ABL2: variants seen among roughly 807,000 people sequenced by gnomAD.
ABL2 encodes tyrosine-protein kinase ABL2.
In ABL2, 49 loss-of-function variants were observed where a neutral mutation model predicts 107.7. The observed-to-expected ratio is 0.45, with a 90% confidence interval of 0.36 to 0.58. ABL2 has a LOEUF of 0.58. Among genes scored for constraint, ABL2 ranks in the 20% least tolerant of loss-of-function variants. The pLI is 0.00. For synonymous variants in ABL2, 549 were observed against 548.6 expected (o/e 1.00, Z -0.01); for missense variants, 1,245 against 1,457.0 (o/e 0.85, Z 2.37).
intron 1 of ABL2, among the ~76,000 whole-genome samples, chr1:179,167,588 T>C (rs12061169): frequency 0.015 from 2,295 of 152,268 alleles, 69 homozygotes; most frequent in African/African-American, 0.051. Context: ...TCCCAACACA[T>C]AGAAATGATA....
At chr1:179,187,994 A>C (rs963695388) in intron 1 of ABL2, among the ~76,000 whole-genome samples, 1 of 151,976 alleles carries the variant, frequency 6.6e-6, no homozygotes, top group Non-Finnish European at 1.5e-5. Context: ...CTCCCACACA[A>C]TTCTTTTACT....
chr1:179,226,597 G>A (rs770355908), intron 1 of ABL2, among the ~76,000 whole-genome samples: 2 of 152,002 alleles, frequency 1.3e-5, no homozygotes, highest in Admixed American at 6.6e-5. Flanking sequence ...GTGAGCCACC[G>A]CACCTGGCCG....
chr1:179,115,128 ACAC>A, intron 8 of ABL2, 98 bp from the exon 9 acceptor site: 3 of 1,126,602 alleles, frequency 2.7e-6, no homozygotes, highest in Non-Finnish European at 3.7e-6. Flanking sequence ...TAACATTCAC[ACAC>A]TGTTACAACA....
chr1:179,143,974 G>A (rs1657812548), intron 1 of ABL2, among the ~76,000 whole-genome samples: 1 of 152,122 alleles, frequency 6.6e-6, no homozygotes, highest in Non-Finnish European at 1.5e-5. Flanking sequence ...AGGATTACAG[G>A]CATGAGCCAC....
At chr1:179,202,038 C>G (rs72709483) in intron 1 of ABL2, 47,519 of 452,588 alleles carry the variant, frequency 0.1, 2,877 homozygotes, top group East Asian at 0.23. Flanking sequence ...ATTTTTTTTT[C>G]TTTGAATAAA....
At chr1:179,223,109 CAAAA>C (rs35137729) in intron 1 of ABL2, among the ~76,000 whole-genome samples, 12 of 69,250 alleles carry the variant, frequency 1.7e-4, no homozygotes, top group Non-Finnish European at 2.9e-4. Context: ...GGCTCCCTCT[CAAAA>C]AAAAAAAAAA....
At position 179,198,463 on chromosome 1, in the gene ABL2, T is replaced by C. The variant is rs529323038; in HGVS notation, c.157+30778A>G. 5.3e-5 allele frequency among the ~76,000 whole-genome samples: 8 copies of C among 151,944 alleles called. No individual in the cohort carries two copies. In the South Asian group the frequency reaches 1.7e-3, roughly 32 times the overall value. ...ATCCCAGCACTTTGGGAGGCCAAGG[T>C]AGGTGGATCACCTGAGGCCAAGAGT... On this transcript the variant is annotated intron_variant, in intron 1 of 11. Coordinates refer to ENST00000502732, the MANE Select transcript of ABL2 (RefSeq NM_007314.4).
At position 179,110,474 on chromosome 1, in the gene ABL2, G is replaced by A; in HGVS notation, c.1652-19C>T. 1 of 1,584,204 alleles carries A rather than the reference G, an allele frequency of 6.3e-7. No individual in the cohort carries two copies. The highest frequency in any genetic ancestry group is 1.2e-5 in the South Asian group (1 of 85,910). ...GCTACCTCTGTGAGGAAGACAAGGGGACCAATAAAAAGAACAATTTCATAG... is the reference window on the plus strand; with the variant it reads ...GCTACCTCTGTGAGGAAGACAAGGGAACCAATAAAAAGAACAATTTCATAG... On this transcript the variant is annotated intron_variant, in intron 10 of 11. Coordinates refer to ENST00000502732, the MANE Select transcript of ABL2 (RefSeq NM_007314.4).
chr1:179,192,172 C>T (rs1661065138), intron 1 of ABL2, among the ~76,000 whole-genome samples: 1 of 152,122 alleles, frequency 6.6e-6, no homozygotes, highest in Admixed American at 6.5e-5. Context: ...TTACGAAAAA[C>T]AATCCACAGG....
chr1:179,110,690 A>G, intron 10 of ABL2: 5 of 1,586,812 alleles, frequency 3.2e-6, no homozygotes, highest in Non-Finnish European at 4.3e-6. Flanking sequence ...TAGCATGCCA[A>G]CGTGTGAATA....
chr1:179,111,865 G>A lies in ABL2; in HGVS notation c.1651+444C>T, dbSNP rs554646032. ...TCGAGAGCAGTCTGGCCAACATGGCGAAACCCCATCTCTACTAAAAATAAC... is the reference window on the plus strand; with the variant it reads ...TCGAGAGCAGTCTGGCCAACATGGCAAAACCCCATCTCTACTAAAAATAAC... On this transcript the variant is annotated intron_variant, in intron 10 of 11. Transcript: ENST00000502732. Among the ~76,000 whole-genome samples the A allele has an allele frequency of 1.1e-4, 17 of 152,086 alleles. No homozygotes were observed. The East Asian group carries it at 1.4e-3, about 12-fold the overall frequency.
rs1557975447 is a variant in ABL2 at position 179,174,922 on chromosome 1, ATAAT to A, written c.158-41552_158-41549del. Among the ~76,000 whole-genome samples, 22 of 140,826 alleles carry A rather than the reference ATAAT, an allele frequency of 1.6e-4. No homozygotes were observed. In the South Asian group the frequency reaches 2.6e-3, roughly 17 times the overall value. 92.4% of individuals were successfully genotyped at this position (140,826 alleles called of 152,430 possible). The stretch of plus-strand genomic sequence containing the variant: ...AAAAAAAAAAAATAAAATAAAAAAA[ATAAT>A]AATAATAATAATAATAATTCTATTG... On this transcript the variant is annotated intron_variant, in intron 1 of 11. Transcript: ENST00000502732.
intron 1 of ABL2, among the ~76,000 whole-genome samples, chr1:179,144,822 T>C (rs1426201202): frequency 6.6e-6 from 1 of 152,114 alleles, no homozygotes; most frequent in Non-Finnish European, 1.5e-5. Context: ...GAATTTCAAA[T>C]ACCAGATTGA....
intron 1 of ABL2, chr1:179,184,370 G>C: frequency 1.4e-6 from 1 of 730,678 alleles, no homozygotes; most frequent in South Asian, 1.9e-5. Flanking sequence ...GAAAGGATGC[G>C]ATGAAACATT....
chr1:179,140,837 C>A (rs1386580861), intron 1 of ABL2, among the ~76,000 whole-genome samples: 1 of 152,104 alleles, frequency 6.6e-6, no homozygotes, highest in Non-Finnish European at 1.5e-5. Flanking sequence ...AGTTCAAGAC[C>A]AGCCTGGGCA....
chr1:179,100,319 AC>A lies in ABL2; in HGVS notation c.*7398del, dbSNP rs1430253000. ...CCCTGGCGTTCTTGCCACTCACAAT[AC>A]CTGGTATGGTACTTCTGAACTGTGC... On this transcript the variant is annotated 3_prime_UTR_variant, in exon 12 of 12. Coordinates refer to ENST00000502732, the MANE Select transcript of ABL2 (RefSeq NM_007314.4). 1 of 227,850 alleles carries A rather than the reference AC, an allele frequency of 4.4e-6. No homozygotes were observed. The highest frequency in any genetic ancestry group is 6.3e-5 in the East Asian group (1 of 15,820). 14.1% of individuals were successfully genotyped at this position (227,850 alleles called of 1,614,324 possible).
intron 1 of ABL2, among the ~76,000 whole-genome samples, chr1:179,194,216 A>G (rs1661180253): frequency 6.6e-6 from 1 of 152,210 alleles, no homozygotes; most frequent in Admixed American, 6.5e-5. Context: ...TTTGACAAAT[A>G]CCATTTCCAG....
At chr1:179,109,642 T>G (rs962148533) in intron 11 of ABL2, among the ~76,000 whole-genome samples, 1 of 151,230 alleles carries the variant, frequency 6.6e-6, no homozygotes, top group Non-Finnish European at 1.5e-5. Flanking sequence ...TGGGGGAAGA[T>G]AGGGGGCCGG....
At chr1:179,224,157 A>AAAAAT in intron 1 of ABL2, among the ~76,000 whole-genome samples, 1 of 150,078 alleles carries the variant, frequency 6.7e-6, no homozygotes, top group Non-Finnish European at 1.5e-5. Context: ...AAAAAAAAAA[A>AAAAAT]ACTACAGATC....
Sources: gnomAD v4.1 joint callset for allele counts (sites outside exome capture counted in the v4.1 genomes callset) on GRCh38, gnomAD v4.1.1 for gene constraint, MANE v1.5 for transcripts, NCBI Gene and HGNC (gene_info 2026-07-23, HGNC 2026-07-21) for gene names.